BICD2: variants seen among roughly 807,000 people sequenced by gnomAD.
BICD2 encodes the protein protein bicaudal D homolog 2.
A neutral mutation model predicts 72.9 loss-of-function variants in BICD2; 25 were observed. The ratio of observed to expected loss-of-function variants is 0.34; its 90% CI spans 0.25 to 0.48. The LOEUF (loss-of-function observed/expected upper bound fraction) is 0.48, where lower values mean the gene tolerates loss of function less well. Among genes scored for constraint, BICD2 ranks in the 20% least tolerant of loss-of-function variants. BICD2 has a pLI of 0.99. For synonymous variants in BICD2, 501 were observed against 516.1 expected, an observed-to-expected ratio of 0.97 and a Z score of 0.40; for missense variants, 894 against 1,175.2, an observed-to-expected ratio of 0.76 and a Z score of 3.50.
chr9:92,714,896 C>T lies in BICD2; in HGVS notation c.*258G>A. On this transcript the variant is annotated 3_prime_UTR_variant, in exon 7 of 7. Coordinates refer to ENST00000356884, the MANE Select transcript of BICD2 (RefSeq NM_001003800.2). ...ATCACACATCTGCTGCAAGAATGTGCAGCTCTATCCCCACCTCTGACCCCC... is the reference window on the plus strand; with the variant it reads ...ATCACACATCTGCTGCAAGAATGTGTAGCTCTATCCCCACCTCTGACCCCC... The T allele has an allele frequency of 7.8e-7, 1 of 1,284,602 alleles. No homozygotes were observed. Among genetic ancestry groups the T allele is most frequent in the Non-Finnish European group, 9.8e-7 (1 of 1,015,920 alleles). The allele number at this position is 1,284,602 out of a possible 1,614,324, so 79.6% of individuals were successfully genotyped here.
chr9:92,746,964 C>T (rs567765299), intron 1 of BICD2, among the ~76,000 whole-genome samples: 1 of 152,316 alleles, frequency 6.6e-6, no homozygotes, highest in East Asian at 1.9e-4. Context: ...AGAGCTGCTC[C>T]GGAAATGTCT....
At chr9:92,716,713 C>A (rs543789715) in intron 6 of BICD2, among the ~76,000 whole-genome samples, 2 of 152,240 alleles carry the variant, frequency 1.3e-5, no homozygotes, top group African/African-American at 4.8e-5. Flanking sequence ...TGAAAGACAG[C>A]GGTACCTGTC....
rs567061426 is a variant in BICD2, at chr9:92,732,248, A to G, written c.241-3012T>C. ...TCAACTTGAAAAACCACAGCAAACT[A>G]TCCAAAATGAAACACAGAGAAAAAA... On this transcript the variant is annotated intron_variant, in intron 1 of 6. Transcript: ENST00000356884. Among the ~76,000 whole-genome samples the G allele has an allele frequency of 3.3e-5, 5 of 152,348 alleles. No homozygotes were observed. In the South Asian group the frequency reaches 8.3e-4, roughly 25 times the overall value.
At chr9:92,759,058 C>A (rs1434055105) in intron 1 of BICD2, among the ~76,000 whole-genome samples, 1 of 151,996 alleles carries the variant, frequency 6.6e-6, no homozygotes, top group Non-Finnish European at 1.5e-5. Flanking sequence ...AAAAGCAAAC[C>A]ATGACAATTA....
chr9:92,753,958 C>T (rs536470610), intron 1 of BICD2, among the ~76,000 whole-genome samples: 128 of 151,470 alleles, frequency 8.5e-4, no homozygotes, highest in African/African-American at 2.8e-3. Context: ...TCCCAGCTAA[C>T]ACCGTGAAAC....
In BICD2 at chr9:92,719,231, C is replaced by T. The variant is rs1853403012; in HGVS notation, c.1414G>A (p.Gly472Ser). Residue 472 changes from glycine to serine, a missense_variant, in exon 5 of 7, where the codon GGC (glycine) becomes AGC (serine). By Grantham distance (56) the Gly-to-Ser change is moderately conservative (BLOSUM62 0). Transcript: ENST00000356884. ...GCCTGGCCCTCAGCCTCATAGCGGCCCTTCTCCTCGGCGTGCTGGGCCTCA... is the reference window on the plus strand; with the variant it reads ...GCCTGGCCCTCAGCCTCATAGCGGCTCTTCTCCTCGGCGTGCTGGGCCTCA... ...AREAQHAEEKGRYEAEGQALT... is the reference protein window; with the variant it reads ...AREAQHAEEKSRYEAEGQALT... 2 of 1,612,152 alleles carry T rather than the reference C, an allele frequency of 1.2e-6. No individual in the cohort carries two copies. Among genetic ancestry groups the T allele is most frequent in the Non-Finnish European group, 8.5e-7 (1 of 1,179,988 alleles).
rs935505713 is a variant in BICD2, at chr9:92,764,560, T to G, written c.185A>C (p.Glu62Ala). 48 of 1,554,450 alleles carry G rather than the reference T, an allele frequency of 3.1e-5. No individual in the cohort carries two copies. Among genetic ancestry groups the G allele is most frequent in the Non-Finnish European group, 4.2e-5 (48 of 1,150,148 alleles). ...EEKHQLKLQFEELEVDYEAIR... is the reference protein window; with the variant it reads ...EEKHQLKLQFAELEVDYEAIR... The stretch of plus-strand genomic sequence containing the variant: ...AGCCTCATAGTCCACCTCGAGCTCC[T>G]CGAACTGCAGCTTGAGCTGGTGCTT... Residue 62 changes from glutamate (E) to alanine (A), a missense_variant, in exon 1 of 7, where the codon GAG becomes GCG. This residue lies in a region of BICD2 where 192 missense variants were observed against 243.6 expected (regional missense o/e 0.79). Transcript: ENST00000356884. The surrounding 1 kb of genome is among the most constrained non-coding windows in gnomAD (Gnocchi z 5.5).
intron 1 of BICD2, among the ~76,000 whole-genome samples, chr9:92,760,846 G>C (rs1854356772): frequency 6.6e-6 from 1 of 152,166 alleles, no homozygotes; most frequent in African/African-American, 2.4e-5. Context: ...TTCAGAAATG[G>C]ACACAACAAT....
chr9:92,748,912 C>T (rs1160411790), intron 1 of BICD2, among the ~76,000 whole-genome samples: 1 of 152,064 alleles, frequency 6.6e-6, no homozygotes, highest in Non-Finnish European at 1.5e-5. Flanking sequence ...TGAGTGGGAC[C>T]ATAAGGCTTC....
At chr9:92,745,157 C>T (rs1387314876) in intron 1 of BICD2, among the ~76,000 whole-genome samples, 2 of 151,940 alleles carry the variant, frequency 1.3e-5, no homozygotes, top group African/African-American at 4.8e-5. Flanking sequence ...TTACACAGGG[C>T]CAGATGCTTC....
intron 5 of BICD2, 112 bp downstream of exon 5, chr9:92,718,427 G>T: frequency 2.3e-6 from 3 of 1,289,076 alleles, no homozygotes; most frequent in Non-Finnish European, 3.2e-6. Flanking sequence ...GCTCTGTCTG[G>T]TGGTGACGCA....
chr9:92,763,248 C>A (rs1368723490), intron 1 of BICD2, among the ~76,000 whole-genome samples: 1 of 152,094 alleles, frequency 6.6e-6, no homozygotes, highest in Non-Finnish European at 1.5e-5. Context: ...TCCTCAGACA[C>A]GGGGGAGGCA....
intron 5 of BICD2, 78 bp from the exon 6 acceptor site, chr9:92,718,026 G>T (rs778000999): frequency 6.6e-7 from 1 of 1,519,924 alleles, no homozygotes; most frequent in Non-Finnish European, 8.9e-7. Flanking sequence ...AGGATCGGGA[G>T]CCCCGGTCTG....
intron 1 of BICD2, among the ~76,000 whole-genome samples, chr9:92,753,449 ACT>A (rs1854190390): frequency 1.3e-5 from 2 of 152,240 alleles, no homozygotes; most frequent in South Asian, 4.1e-4. Context: ...GCAACTCTGT[ACT>A]ATTTTTCAAA....
rs1853265807 is a variant in BICD2 at position 92,714,702 on chromosome 9, GCTGC to G, written c.*448_*451del. On this transcript the variant is annotated 3_prime_UTR_variant, in exon 7 of 7. Transcript: ENST00000356884. ...AGCCATCCTCTGAGGTCGTACCTAT[GCTGC>G]AGGCTGGAACCTCCTAAAACTGCTT... The G allele has an allele frequency of 2.0e-5, 20 of 992,006 alleles. No individual in the cohort carries two copies. The highest frequency in any genetic ancestry group is 2.3e-5 in the Non-Finnish European group (19 of 834,812). 61.5% of individuals were successfully genotyped at this position (992,006 alleles called of 1,614,324 possible). A position where few individuals can be genotyped will look rare whatever the true frequency, so the allele number is the denominator to read the frequency against.
At chr9:92,726,419 G>A (rs990247671) in intron 2 of BICD2, among the ~76,000 whole-genome samples, 4 of 152,136 alleles carry the variant, frequency 2.6e-5, no homozygotes, top group Non-Finnish European at 4.4e-5. Flanking sequence ...CTGTTTTATC[G>A]TCAAATGTAC....
In BICD2 at chr9:92,717,403, C is replaced by G. The variant is rs575119235; in HGVS notation, c.2258+394G>C. On this transcript the variant is annotated intron_variant, in intron 6 of 6. Transcript: ENST00000356884. ...CAGAACCAGGCTCCTGGGGGCTGGGCTAGGTGCAAAAGGAACATTAAAAGG... is the reference window on the plus strand; with the variant it reads ...CAGAACCAGGCTCCTGGGGGCTGGGGTAGGTGCAAAAGGAACATTAAAAGG... Among the ~76,000 whole-genome samples the G allele has an allele frequency of 2.8e-4, 42 of 152,348 alleles. No individual in the cohort carries two copies. In the South Asian group the frequency reaches 8.5e-3, roughly 31 times the overall value.
chr9:92,718,827 G>T lies in BICD2; in HGVS notation c.1818C>A (p.Ser606Arg). ...GRADGGTGDS[S>R]PSPGSSLPSP... ...ATGGCAGTGAGGAGCCAGGCGAGGGGCTGCTGTCCCCCGTCCCACCATCTG... is the reference window on the plus strand; with the variant it reads ...ATGGCAGTGAGGAGCCAGGCGAGGGTCTGCTGTCCCCCGTCCCACCATCTG... Residue 606 changes from serine to arginine, a missense_variant, in exon 5 of 7, where the codon AGC becomes AGA. Transcript: ENST00000356884. 6.2e-7 allele frequency: 1 copy of T among 1,611,744 alleles called. No homozygotes were observed. Among genetic ancestry groups the T allele is most frequent in the Non-Finnish European group, 8.5e-7 (1 of 1,179,344 alleles).
At chr9:92,716,036 A>G (rs1248282022) in intron 6 of BICD2, among the ~76,000 whole-genome samples, 1 of 152,236 alleles carries the variant, frequency 6.6e-6, no homozygotes. Context: ...GAGCTGTGGG[A>G]GGGTGTGGTC....
Sources: gnomAD v4.1 joint callset for allele counts (sites outside exome capture counted in the v4.1 genomes callset) on GRCh38, gnomAD v4.1.1 for gene constraint, gnomAD v4.1.1 regional missense constraint, Gnocchi (gnomAD v3.1) non-coding constraint, MANE v1.5 for transcripts, NCBI Gene and HGNC (gene_info 2026-07-23, HGNC 2026-07-21) for gene names.